SGCZ: variants seen among roughly 807,000 people sequenced by gnomAD.
The protein encoded by SGCZ is sarcoglycan zeta.
In SGCZ, 40 loss-of-function variants were observed where a neutral mutation model predicts 41.3. That is an observed-to-expected ratio of 0.97 (90% CI 0.75 to 1.26). The LOEUF is 1.26. SGCZ is among the 50% of genes most tolerant of loss of function. SGCZ has a pLI of 0.00. For synonymous variants in SGCZ, 206 were observed against 137.5 expected (o/e 1.50, Z -3.49); for missense variants, 552 against 369.8 (o/e 1.49, Z -4.04).
chr8:14,706,083 T>A (rs1050859157), intron 1 of SGCZ, among the ~76,000 whole-genome samples: 21 of 152,074 alleles, frequency 1.4e-4, no homozygotes, highest in African/African-American at 5.1e-4. Context: ...TGAAGAACCC[T>A]ATTTTTCCTC....
intron 2 of SGCZ, among the ~76,000 whole-genome samples, chr8:14,417,143 T>C (rs1258941917): frequency 1.3e-5 from 2 of 151,788 alleles, no homozygotes; most frequent in African/African-American, 4.8e-5. Context: ...TAGAGACTTC[T>C]TAGAGATAAA....
At chr8:14,943,802 C>G (rs2130824211) in intron 1 of SGCZ, among the ~76,000 whole-genome samples, 1 of 152,280 alleles carries the variant, frequency 6.6e-6, no homozygotes, top group African/African-American at 2.4e-5. Context: ...CATGGTTTAG[C>G]TCCCACTTAC....
At chr8:14,518,002 G>A (rs1317566621) in intron 2 of SGCZ, among the ~76,000 whole-genome samples, 3 of 151,576 alleles carry the variant, frequency 2.0e-5, no homozygotes, top group Non-Finnish European at 4.4e-5. Context: ...TATTGAACGT[G>A]TATTTTGATT....
intron 1 of SGCZ, among the ~76,000 whole-genome samples, chr8:14,993,917 T>G (rs2130899413): frequency 6.6e-6 from 1 of 152,260 alleles, no homozygotes; most frequent in African/African-American, 2.4e-5. Flanking sequence ...ATTTTAATGG[T>G]ATGACTCTAG....
At position 14,764,335 on chromosome 8, in the gene SGCZ, C is replaced by A. The variant is rs376674316; in HGVS notation, c.40-209409G>T. 2.0e-5 allele frequency among the ~76,000 whole-genome samples: 3 copies of A among 152,136 alleles called. No homozygotes were observed. In the East Asian group the frequency reaches 5.8e-4, roughly 29 times the overall value. The stretch of plus-strand genomic sequence containing the variant: ...TGATACACGATCTTAAAGCATTGTT[C>A]TAGAAATTACTTCTGAATTGCAAAA... On this transcript the variant is annotated intron_variant, in intron 1 of 7. Coordinates refer to ENST00000382080, the MANE Select transcript of SGCZ (RefSeq NM_139167.4).
chr8:14,573,484 G>T (rs1804621414), intron 1 of SGCZ, among the ~76,000 whole-genome samples: 1 of 151,924 alleles, frequency 6.6e-6, no homozygotes, highest in Non-Finnish European at 1.5e-5. Flanking sequence ...CACTGCGCCC[G>T]GCCGCAAGTC....
intron 2 of SGCZ, among the ~76,000 whole-genome samples, chr8:14,362,278 C>T (rs917335919): frequency 2.0e-5 from 3 of 152,150 alleles, no homozygotes; most frequent in Non-Finnish European, 4.4e-5. Context: ...TGCCCTGCCC[C>T]CGGAGGTGGA....
intron 6 of SGCZ, among the ~76,000 whole-genome samples, chr8:14,105,708 A>G (rs1802182375): frequency 6.6e-6 from 1 of 152,124 alleles, no homozygotes; most frequent in Non-Finnish European, 1.5e-5. Flanking sequence ...ATGTTTACAT[A>G]ATGATGAATA....
intron 1 of SGCZ, among the ~76,000 whole-genome samples, chr8:14,633,936 G>T (rs1877016): frequency 6.6e-6 from 1 of 151,554 alleles, no homozygotes; most frequent in South Asian, 2.1e-4. Context: ...GTCAATTTTC[G>T]CAGTTCAGAA....
chr8:14,493,558 G>T (rs1383892016), intron 2 of SGCZ, among the ~76,000 whole-genome samples: 3 of 150,488 alleles, frequency 2.0e-5, no homozygotes, highest in African/African-American at 7.3e-5. Context: ...AGTAGAGATG[G>T]GGTTTCACCA....
At chr8:14,842,888 T>C (rs1802974665) in intron 1 of SGCZ, among the ~76,000 whole-genome samples, 1 of 152,182 alleles carries the variant, frequency 6.6e-6, no homozygotes, top group Non-Finnish European at 1.5e-5. Context: ...GCCATGCATT[T>C]TTCTCATCTG....
chr8:14,102,434 G>A lies in SGCZ; in HGVS notation c.686C>T (p.Ala229Val), dbSNP rs1288312785. The part of the protein sequence containing the change: ...APRGVQVSAA[A>V]GDFKATCRKE... ...CCTGCAGGTGGCCTTGAAGTCTCCTGCAGCAGCACTCACCTGGACCCCACG... is the reference window on the plus strand; with the variant it reads ...CCTGCAGGTGGCCTTGAAGTCTCCTACAGCAGCACTCACCTGGACCCCACG... Residue 229 changes from alanine to valine, a missense_variant, in exon 7 of 8, where the codon GCA becomes GTA. By Grantham distance (64) the Ala-to-Val change is moderately conservative. Coordinates refer to ENST00000382080, the MANE Select transcript of SGCZ (RefSeq NM_139167.4). 2 of 1,536,232 alleles carry A rather than the reference G, an allele frequency of 1.3e-6. No homozygotes were observed. The highest frequency in any genetic ancestry group is 1.9e-4 in the Middle Eastern group (1 of 5,288).
chr8:15,101,679 C>G (rs898929596), intron 1 of SGCZ, among the ~76,000 whole-genome samples: 2 of 152,066 alleles, frequency 1.3e-5, no homozygotes, highest in African/African-American at 2.4e-5. Flanking sequence ...GCATGTAATC[C>G]CAGCACTTTG....
chr8:14,748,202 T>C (rs1038651807), intron 1 of SGCZ, among the ~76,000 whole-genome samples: 4 of 152,130 alleles, frequency 2.6e-5, no homozygotes, highest in Non-Finnish European at 5.9e-5. Flanking sequence ...ATATATTTAG[T>C]GCCCACAACA....
intron 1 of SGCZ, among the ~76,000 whole-genome samples, chr8:15,192,094 T>C (rs1350683942): frequency 6.6e-6 from 1 of 152,112 alleles, no homozygotes; most frequent in Non-Finnish European, 1.5e-5. Context: ...TTTACTTCTG[T>C]TATGGTAACC....
At chr8:14,469,996 T>C (rs1191887574) in intron 2 of SGCZ, among the ~76,000 whole-genome samples, 1 of 152,062 alleles carries the variant, frequency 6.6e-6, no homozygotes, top group South Asian at 2.1e-4. Flanking sequence ...CAAAGATGGG[T>C]TGATGGGAAC....
At chr8:14,780,150 G>A (rs969135345) in intron 1 of SGCZ, among the ~76,000 whole-genome samples, 1 of 152,050 alleles carries the variant, frequency 6.6e-6, no homozygotes, top group African/African-American at 2.4e-5. Context: ...GAGGCCGGGC[G>A]GATCACGAGG....
chr8:14,383,385 T>C (rs932739782), intron 2 of SGCZ, among the ~76,000 whole-genome samples: 1 of 152,208 alleles, frequency 6.6e-6, no homozygotes, highest in African/African-American at 2.4e-5. Flanking sequence ...GAAAGAAGTC[T>C]AATGATGGAG....
chr8:14,701,518 C>T (rs1234310313), intron 1 of SGCZ, among the ~76,000 whole-genome samples: 2 of 151,956 alleles, frequency 1.3e-5, no homozygotes, highest in Non-Finnish European at 2.9e-5. Context: ...TGAAAACAAC[C>T]AGCAATCACT....
Sources: gnomAD v4.1 joint callset for allele counts (sites outside exome capture counted in the v4.1 genomes callset) on GRCh38, gnomAD v4.1.1 for gene constraint, MANE v1.5 for transcripts, NCBI Gene and HGNC (gene_info 2026-07-23, HGNC 2026-07-21) for gene names.